CAST: variants seen among roughly 807,000 people sequenced by gnomAD.
The protein encoded by CAST is calpastatin.
In CAST, 76 loss-of-function variants were observed where a neutral mutation model predicts 119.6. That is an observed-to-expected ratio of 0.64 (90% confidence interval 0.53 to 0.77). CAST has a LOEUF of 0.77. Among genes scored for constraint, CAST ranks in the 30% least tolerant of loss-of-function variants. The probability of loss-of-function intolerance (pLI) is 0.00; values close to 1 mark genes in which losing one functional copy is unlikely to be tolerated. For missense variants in CAST, 953 were observed against 946.5 expected (o/e 1.01, Z -0.09); for synonymous variants, 319 against 331.6 (o/e 0.96, Z 0.41).
At chr5:95,991,616 C>T in the CAST span, among the ~76,000 whole-genome samples, 1 of 148,946 alleles carries the variant, frequency 6.7e-6, no homozygotes, top group African/African-American at 2.5e-5. Context: ...AGCGAGTCTC[C>T]TACCTCAGCC....
the CAST span, among the ~76,000 whole-genome samples, chr5:96,320,052 G>T: frequency 4.0e-5 from 6 of 151,346 alleles, no homozygotes; most frequent in Non-Finnish European, 8.8e-5. Context: ...GAGATCTGTT[G>T]AATCCCTGTG....
the CAST span, among the ~76,000 whole-genome samples, chr5:96,506,490 AC>A: frequency 6.6e-6 from 1 of 152,218 alleles, no homozygotes; most frequent in Non-Finnish European, 1.5e-5. Context: ...GTGGAATGAC[AC>A]CAGTGAGGGT....
At chr5:96,418,399 T>C in the CAST span, among the ~76,000 whole-genome samples, 2 of 152,350 alleles carry the variant, frequency 1.3e-5, no homozygotes, top group Admixed American at 6.5e-5. Flanking sequence ...AATATCCTTG[T>C]CACATTTGTT....
At chr5:96,007,326 T>C in the CAST span, among the ~76,000 whole-genome samples, 1 of 152,238 alleles carries the variant, frequency 6.6e-6, no homozygotes, top group Non-Finnish European at 1.5e-5. Flanking sequence ...TATTTCTGGG[T>C]GCAAGACTGG....
chr5:96,655,082 T>C lies in CAST; in HGVS notation c.61-20457T>C, dbSNP rs1748140736. Among the ~76,000 whole-genome samples, 4 of 152,330 alleles carry C rather than the reference T, an allele frequency of 2.6e-5. 1 individual carries two copies. In the South Asian group the frequency reaches 8.3e-4, roughly 32 times the overall value. On this transcript the variant is annotated intron_variant, in intron 1 of 11. Coordinates refer to the CAST transcript ENST00000505143. ...ATACATTGTCCTTCTAAGAGGATAC[T>C]GAATATTTTTCTGTGTCAATAAATA...
chr5:95,980,987 C>T, the CAST span, among the ~76,000 whole-genome samples: 1 of 152,156 alleles, frequency 6.6e-6, no homozygotes, highest in African/African-American at 2.4e-5. Context: ...TGAGATGTCA[C>T]AGGGAGCAAT....
the CAST span, among the ~76,000 whole-genome samples, chr5:96,013,333 C>G: frequency 6.6e-6 from 1 of 151,350 alleles, no homozygotes; most frequent in South Asian, 2.1e-4. Context: ...TATATAGCTC[C>G]CACTCCACCC....
the CAST span, among the ~76,000 whole-genome samples, chr5:96,059,707 G>A: frequency 2.6e-5 from 4 of 152,054 alleles, no homozygotes; most frequent in South Asian, 6.2e-4. Context: ...GTCACTTCAC[G>A]GGGCTCTGAA....
chr5:96,301,952 G>T, the CAST span, among the ~76,000 whole-genome samples: 1 of 152,128 alleles, frequency 6.6e-6, no homozygotes, highest in African/African-American at 2.4e-5. Flanking sequence ...GACTCTATGT[G>T]GGCGCTTCAA....
the CAST span, among the ~76,000 whole-genome samples, chr5:96,342,299 G>T: frequency 6.6e-6 from 1 of 152,326 alleles, no homozygotes; most frequent in South Asian, 2.1e-4. Context: ...CTTTTTCATT[G>T]TTGGTTGGGG....
chr5:96,010,747 T>C, the CAST span, among the ~76,000 whole-genome samples: 4 of 152,248 alleles, frequency 2.6e-5, no homozygotes, highest in Non-Finnish European at 5.9e-5. Context: ...AGAATGTTTT[T>C]CCATTCATTT....
intron 1 of CAST, among the ~76,000 whole-genome samples, chr5:96,628,231 G>T (rs1251608611): frequency 6.6e-6 from 1 of 152,098 alleles, no homozygotes; most frequent in Non-Finnish European, 1.5e-5. Flanking sequence ...GAGGAAAAAA[G>T]GTTAATAAAT....
chr5:96,712,527 C>T (rs1245219267), intron 3 of CAST, among the ~76,000 whole-genome samples: 2 of 152,170 alleles, frequency 1.3e-5, no homozygotes, highest in Admixed American at 6.5e-5. Context: ...TGGGGTCTCA[C>T]TATGCTGCCC....
At chr5:96,368,613 A>G in the CAST span, among the ~76,000 whole-genome samples, 1 of 152,042 alleles carries the variant, frequency 6.6e-6, no homozygotes, top group East Asian at 1.9e-4. Flanking sequence ...TCCAGTAGGA[A>G]GTGGCTGATC....
chr5:96,423,598 A>G, the CAST span: 1 of 777,600 alleles, frequency 1.3e-6, no homozygotes, highest in Non-Finnish European at 2.2e-6. Context: ...ATTCAGTGAA[A>G]TGAGAAAACA....
At chr5:96,597,787 T>C (rs543600485) in intron 1 of CAST, among the ~76,000 whole-genome samples, 2 of 152,318 alleles carry the variant, frequency 1.3e-5, no homozygotes, top group East Asian at 1.9e-4. Context: ...TCAGGCCTCA[T>C]TATAACCCTG....
the CAST span, among the ~76,000 whole-genome samples, chr5:96,136,545 G>A: frequency 6.6e-6 from 1 of 152,170 alleles, no homozygotes; most frequent in East Asian, 1.9e-4. Flanking sequence ...GCCTGCTGCT[G>A]TGGCAGTGTC....
chr5:96,482,059 T>C, the CAST span, among the ~76,000 whole-genome samples: 1 of 152,306 alleles, frequency 6.6e-6, no homozygotes, highest in East Asian at 1.9e-4. Context: ...TGTATATTGC[T>C]GCAGAGTTAG....
chr5:96,187,412 T>C, the CAST span, among the ~76,000 whole-genome samples: 2 of 152,190 alleles, frequency 1.3e-5, no homozygotes, highest in Non-Finnish European at 2.9e-5. Context: ...CTCTCGGTTC[T>C]CTAGTTCTTC....
Sources: allele counts gnomAD v4.1 joint callset (sites outside exome capture counted in the v4.1 genomes callset), GRCh38; gene constraint gnomAD v4.1.1; transcripts MANE v1.5; gene names NCBI Gene and HGNC (gene_info 2026-07-23, HGNC 2026-07-21).